DCDC2: variants seen among roughly 807,000 people sequenced by gnomAD.
DCDC2 encodes the protein doublecortin domain-containing protein 2.
A neutral mutation model predicts 50.2 loss-of-function variants in DCDC2; 40 were observed. The ratio of observed to expected loss-of-function variants is 0.80; its 90% CI spans 0.62 to 1.04. DCDC2 has a LOEUF of 1.04. DCDC2 is among the 50% of genes least tolerant of loss of function. DCDC2 has a pLI of 0.00. For synonymous variants in DCDC2, 234 were observed against 210.6 expected (o/e 1.11, Z -0.96); for missense variants, 570 against 581.9 (o/e 0.98, Z 0.21).
intron 7 of DCDC2, among the ~76,000 whole-genome samples, chr6:24,220,737 T>C (rs930717714): frequency 1.1e-4 from 17 of 152,154 alleles, no homozygotes; most frequent in African/African-American, 4.1e-4. Flanking sequence ...AGGTAATTTA[T>C]AAAGAAGAAA....
At chr6:24,262,736 C>T (rs1763038896) in intron 7 of DCDC2, among the ~76,000 whole-genome samples, 1 of 152,220 alleles carries the variant, frequency 6.6e-6, no homozygotes, top group African/African-American at 2.4e-5. Context: ...TCCCAGATGA[C>T]ATTTCCAGAC....
intron 8 of DCDC2, among the ~76,000 whole-genome samples, chr6:24,192,759 G>C (rs558872968): frequency 1.8e-4 from 28 of 151,638 alleles, no homozygotes; most frequent in Non-Finnish European, 3.5e-4. Context: ...AAGTAGGAGA[G>C]ACAATTAGAT....
Position 24,195,908 on chromosome 6 carries a change from A to G in DCDC2, c.1023+9094T>C, listed in dbSNP as rs148688896. ...CAGACCCATGGAGAATTGCCTCCCA[A>G]TGAAAGCAAAGACTTCTAAAACTTA... On this transcript the variant is annotated intron_variant, in intron 8 of 9. Transcript: ENST00000378454. Among the ~76,000 whole-genome samples, 317 of 152,358 alleles carry G rather than the reference A, an allele frequency of 2.1e-3. 2 individuals carry two copies. Among genetic ancestry groups the G allele is most frequent in the African/African-American group, 7.4e-3 (307 of 41,594 alleles).
chr6:24,317,123 T>C (rs565348105), intron 2 of DCDC2, among the ~76,000 whole-genome samples: 1 of 151,704 alleles, frequency 6.6e-6, no homozygotes, highest in Non-Finnish European at 1.5e-5. Flanking sequence ...GGAGAAAAAC[T>C]GAAAGATAAT....
upstream of DCDC2, among the ~76,000 whole-genome samples, chr6:24,358,438 C>T (rs1426508739): frequency 6.7e-6 from 1 of 150,192 alleles, no homozygotes; most frequent in South Asian, 2.1e-4. Context: ...ACAGGGAAAG[C>T]CCCCGTCTCT....
At chr6:24,288,506 T>C (rs1177240256) in intron 6 of DCDC2, among the ~76,000 whole-genome samples, 1 of 152,228 alleles carries the variant, frequency 6.6e-6, no homozygotes, top group Non-Finnish European at 1.5e-5. Flanking sequence ...GAAACTTCCC[T>C]TTTAGTCTTC....
At chr6:24,270,637 G>A (rs768279627) in intron 7 of DCDC2, among the ~76,000 whole-genome samples, 4 of 152,088 alleles carry the variant, frequency 2.6e-5, no homozygotes, top group Non-Finnish European at 5.9e-5. Context: ...GGCCTGACAA[G>A]GAAAACAGGG....
Position 24,278,076 on chromosome 6 carries a change from TC to T in DCDC2, c.894del (p.Asn299IlefsTer48). On this transcript the variant is annotated frameshift_variant, in exon 7 of 10. Coordinates refer to ENST00000378454, the MANE Select transcript of DCDC2 (RefSeq NM_016356.5). LOFTEE classifies it high-confidence loss of function. ...CTATTTGGAATGGTTTCTTGTGAAT[TC>T]TTTAATTTTACATTTTGTTTCAATT... ...LTKLKQNVKL[K>X]NSQETIPNSD... 1.9e-6 allele frequency: 3 copies of T among 1,612,606 alleles called. No homozygotes were observed. Among genetic ancestry groups the T allele is most frequent in the Non-Finnish European group, 2.5e-6 (3 of 1,179,162 alleles).
intron 4 of DCDC2, among the ~76,000 whole-genome samples, chr6:24,295,251 G>A (rs1483425687): frequency 1.3e-5 from 2 of 152,096 alleles, no homozygotes; most frequent in Non-Finnish European, 2.9e-5. Flanking sequence ...ATGCAGAAAA[G>A]GCTTTCGATA....
intron 2 of DCDC2, among the ~76,000 whole-genome samples, chr6:24,302,386 T>C (rs950349090): frequency 6.6e-6 from 1 of 151,968 alleles, no homozygotes. Context: ...AATAATCCTA[T>C]AAAATCTTGA....
At chr6:24,358,512 TAAAA>T (rs966038766), upstream of DCDC2, among the ~76,000 whole-genome samples, 3 of 75,904 alleles carry the variant, frequency 4.0e-5, no homozygotes, top group African/African-American at 1.8e-4. Context: ...TCTCTACAAT[TAAAA>T]AAAAAAAAAA....
intron 7 of DCDC2, among the ~76,000 whole-genome samples, chr6:24,263,106 T>A (rs988006691): frequency 2.6e-5 from 4 of 152,188 alleles, no homozygotes; most frequent in Non-Finnish European, 5.9e-5. Context: ...TTCTCTTGGA[T>A]CTTACCCCAG....
chr6:24,240,987 G>A (rs552173796), intron 7 of DCDC2, among the ~76,000 whole-genome samples: 2 of 152,314 alleles, frequency 1.3e-5, no homozygotes, highest in East Asian at 3.9e-4. Context: ...CAGGAACAAT[G>A]GAAGTAATTT....
chr6:24,339,138 A>G (rs1411545624), intron 2 of DCDC2, among the ~76,000 whole-genome samples: 1 of 151,756 alleles, frequency 6.6e-6, no homozygotes, highest in Non-Finnish European at 1.5e-5. Context: ...GCAGACATTC[A>G]CACATGTCAT....
intron 7 of DCDC2, among the ~76,000 whole-genome samples, chr6:24,212,329 C>G (rs981201176): frequency 5.9e-5 from 9 of 152,166 alleles, no homozygotes; most frequent in African/African-American, 2.2e-4. Flanking sequence ...CTGCAGATAC[C>G]TGCTGGGCAA....
In DCDC2 at chr6:24,353,607, C is replaced by G; in HGVS notation, c.310G>C (p.Glu104Gln). The G allele has an allele frequency of 6.3e-7, 1 of 1,592,276 alleles. No individual in the cohort carries two copies. Among genetic ancestry groups the G allele is most frequent in the Non-Finnish European group, 8.6e-7 (1 of 1,168,366 alleles). ...FKKLNYLDIGEIKKRPMEVVN... is the reference protein window; with the variant it reads ...FKKLNYLDIGQIKKRPMEVVN... ...ACTTCCATTGGTCTTTTCTTGATTTCTCCTATGTCCAAGTAACTGAGGAAA... is the reference window on the plus strand; with the variant it reads ...ACTTCCATTGGTCTTTTCTTGATTTGTCCTATGTCCAAGTAACTGAGGAAA... Residue 104 changes from glutamate (E) to glutamine (Q), a missense_variant, in exon 2 of 10, where the codon GAA (glutamate) becomes CAA (glutamine). Physicochemically the swap from Glu to Gln is conservative, Grantham distance 29. Coordinates refer to ENST00000378454, the MANE Select transcript of DCDC2 (RefSeq NM_016356.5).
chr6:24,174,852 A>G lies in DCDC2; in HGVS notation c.1327-18T>C. The G allele has an allele frequency of 6.5e-7, 1 of 1,548,034 alleles. No individual in the cohort carries two copies. The highest frequency in any genetic ancestry group is 8.9e-7 in the Non-Finnish European group (1 of 1,125,928). ...ACATCAGCCTAGAAGAAAATAGATC[A>G]AAACAAAGGTATTCAGCTGTTTGGT... On this transcript the variant is annotated intron_variant, in intron 9 of 9. Coordinates refer to ENST00000378454, the MANE Select transcript of DCDC2 (RefSeq NM_016356.5).
At chr6:24,335,006 T>A (rs1012789955) in intron 2 of DCDC2, among the ~76,000 whole-genome samples, 14 of 152,188 alleles carry the variant, frequency 9.2e-5, no homozygotes, top group African/African-American at 3.1e-4. Flanking sequence ...GACTAAATGA[T>A]CACGAGATTC....
chr6:24,370,224 T>C, the DCDC2 span, among the ~76,000 whole-genome samples: 1 of 152,078 alleles, frequency 6.6e-6, no homozygotes, highest in East Asian at 1.9e-4. Context: ...AGGATGGCTA[T>C]AATAGTTTAA....
Sources: gnomAD v4.1 joint callset for allele counts (sites outside exome capture counted in the v4.1 genomes callset) on GRCh38, gnomAD v4.1.1 for gene constraint, MANE v1.5 for transcripts, NCBI Gene and HGNC (gene_info 2026-07-23, HGNC 2026-07-21) for gene names.